Variants in GRAMD1B observed in about 807,000 individuals in gnomAD.
GRAMD1B encodes protein Aster-B.
GRAMD1B carries 37 observed loss-of-function variants against 99.7 expected under a neutral mutation model. That is an observed-to-expected ratio of 0.37 (90% CI 0.29 to 0.49). The LOEUF (loss-of-function observed/expected upper bound fraction) is 0.49. GRAMD1B is among the 20% of genes least tolerant of loss of function. The pLI is 0.98. For missense variants in GRAMD1B, 888 were observed against 1,009.2 expected (o/e 0.88, Z 1.63); for synonymous variants, 427 against 387.6 (o/e 1.10, Z -1.19).
intron 1 of GRAMD1B, among the ~76,000 whole-genome samples, chr11:123,377,425 A>G (rs7926123): frequency 5.8e-4 from 88 of 152,302 alleles, no homozygotes; most frequent in African/African-American, 2.0e-3. Flanking sequence ...GGTGCAGGAA[A>G]AAGGAAAGTT....
chr11:123,374,221 T>C (rs1946621216), intron 1 of GRAMD1B, among the ~76,000 whole-genome samples: 2 of 152,224 alleles, frequency 1.3e-5, no homozygotes, highest in African/African-American at 4.8e-5. Flanking sequence ...CAAATACTTT[T>C]GTGTTGTATC....
chr11:123,506,564 A>C (rs1308688221), intron 2 of GRAMD1B, among the ~76,000 whole-genome samples: 2 of 152,182 alleles, frequency 1.3e-5, no homozygotes, highest in African/African-American at 4.8e-5. Context: ...AGGCAAAATG[A>C]AATGAGCCTA....
intron 2 of GRAMD1B, among the ~76,000 whole-genome samples, chr11:123,566,448 C>T (rs1947374370): frequency 6.6e-6 from 1 of 152,232 alleles, no homozygotes; most frequent in Admixed American, 6.5e-5. Flanking sequence ...AGTGGCTGGA[C>T]GATGGAATGA....
chr11:123,618,331 C>T (rs1223077102), intron 17 of GRAMD1B: 6 of 1,611,904 alleles, frequency 3.7e-6, no homozygotes, highest in Non-Finnish European at 5.1e-6. Flanking sequence ...ATTTTTCTTC[C>T]TTGCTCCCAT....
intron 1 of GRAMD1B, among the ~76,000 whole-genome samples, chr11:123,368,596 T>A (rs1946406836): frequency 6.7e-6 from 1 of 149,038 alleles, no homozygotes; most frequent in African/African-American, 2.5e-5. Flanking sequence ...ACGAGAATCG[T>A]TTGAACCAAG....
At chr11:123,568,709 G>A (rs1231307685) in intron 2 of GRAMD1B, among the ~76,000 whole-genome samples, 1 of 152,196 alleles carries the variant, frequency 6.6e-6, no homozygotes, top group African/African-American at 2.4e-5. Flanking sequence ...GGCACGCCTG[G>A]ACCAGGCTGA....
rs576411731 is a variant in GRAMD1B at position 123,578,536 on chromosome 11, C to G, written c.663+959C>G. ...GCCCTGCCGATTCTGGCCCTTATAT[C>G]CTGCTTGGTCCCTTTCCCAGAAGGG... On this transcript the variant is annotated intron_variant, in intron 3 of 19. Coordinates refer to ENST00000635736, the MANE Select transcript of GRAMD1B (RefSeq NM_001387025.1). 260 of 802,730 alleles carry G rather than the reference C, an allele frequency of 3.2e-4. No homozygotes were observed. The African/African-American group carries it at 3.7e-3, about 11-fold the overall frequency. The allele number at this position is 802,730 out of a possible 1,614,324, so 49.7% of individuals were successfully genotyped here.
chr11:123,505,644 C>A (rs1940346622), intron 2 of GRAMD1B, among the ~76,000 whole-genome samples: 1 of 152,158 alleles, frequency 6.6e-6, no homozygotes, highest in Admixed American at 6.5e-5. Flanking sequence ...GCACACAGGG[C>A]TAAGTAACTT....
At chr11:123,558,231 G>A (rs1040273264) in intron 2 of GRAMD1B, among the ~76,000 whole-genome samples, 3 of 151,858 alleles carry the variant, frequency 2.0e-5, no homozygotes, top group East Asian at 3.9e-4. Flanking sequence ...TGATTCACCC[G>A]CCTCTCCCTC....
At chr11:123,493,707 C>T (rs1449548827) in intron 2 of GRAMD1B, among the ~76,000 whole-genome samples, 1 of 152,204 alleles carries the variant, frequency 6.6e-6, no homozygotes, top group East Asian at 1.9e-4. Context: ...TCAGAAGAGG[C>T]TCACTTTGAT....
intron 1 of GRAMD1B, among the ~76,000 whole-genome samples, chr11:123,409,976 G>T (rs1313990523): frequency 6.6e-6 from 1 of 152,170 alleles, no homozygotes; most frequent in Non-Finnish European, 1.5e-5. Context: ...TGGTGGAGTT[G>T]GACTTATGGA....
chr11:123,602,846 A>T lies in GRAMD1B; in HGVS notation c.1051-580A>T, dbSNP rs1952152785. 1.3e-5 allele frequency among the ~76,000 whole-genome samples: 2 copies of T among 152,232 alleles called. 1 individual carries two copies. Among genetic ancestry groups the T allele is most frequent in the South Asian group, 4.1e-4 (2 of 4,834 alleles). ...CACACGCTTAGGTGAGATGACCTGT[A>T]AGGTTCCTAAAACTGTGGGAACGTA... On this transcript the variant is annotated intron_variant, in intron 8 of 19. Transcript: ENST00000635736.
chr11:123,418,074 T>C (rs1333127673), intron 1 of GRAMD1B, among the ~76,000 whole-genome samples: 1 of 152,192 alleles, frequency 6.6e-6, no homozygotes, highest in African/African-American at 2.4e-5. Flanking sequence ...CTATTTTATA[T>C]ATAAAATGTG....
chr11:123,540,045 G>A (rs1314309122), intron 2 of GRAMD1B, among the ~76,000 whole-genome samples: 1 of 151,624 alleles, frequency 6.6e-6, no homozygotes, highest in Admixed American at 6.6e-5. Context: ...TTCTCTAAGA[G>A]TAAAGAGTTA....
intron 2 of GRAMD1B, among the ~76,000 whole-genome samples, chr11:123,526,879 C>T (rs995425878): frequency 6.6e-6 from 1 of 152,202 alleles, no homozygotes; most frequent in African/African-American, 2.4e-5. Context: ...AAAAATAAAA[C>T]CTTTACCTCT....
intron 2 of GRAMD1B, among the ~76,000 whole-genome samples, chr11:123,561,594 A>G (rs1044976819): frequency 2.6e-5 from 4 of 152,098 alleles, no homozygotes; most frequent in Admixed American, 1.3e-4. Flanking sequence ...CTGGGGGAGG[A>G]CTTGGAGCTT....
chr11:123,577,404 T>TC lies in GRAMD1B; in HGVS notation c.491dup (p.Pro165AlafsTer64). On this transcript the variant is annotated frameshift_variant, in exon 3 of 20. Transcript: ENST00000635736. LOFTEE classifies it high-confidence loss of function. ...CTCCAACCGCAGCACGCCGGCCTGC[T>TC]CGCCCATCCTCCGGAAGCGGTCTCG... 1 of 1,596,384 alleles carries TC rather than the reference T, an allele frequency of 6.3e-7. No individual in the cohort carries two copies. Among genetic ancestry groups the TC allele is most frequent in the Non-Finnish European group, 8.5e-7 (1 of 1,172,046 alleles).
chr11:123,417,763 C>G (rs904483463), intron 1 of GRAMD1B, among the ~76,000 whole-genome samples: 1 of 152,062 alleles, frequency 6.6e-6, no homozygotes, highest in African/African-American at 2.4e-5. Flanking sequence ...ATGGAGAAAC[C>G]CTGTCTGCAC....
intron 1 of GRAMD1B, among the ~76,000 whole-genome samples, chr11:123,424,098 A>G (rs1948558724): frequency 6.6e-6 from 1 of 152,056 alleles, no homozygotes; most frequent in African/African-American, 2.4e-5. Flanking sequence ...TTTGCCATTC[A>G]TATGGTCAAT....
Sources: allele counts gnomAD v4.1 joint callset (sites outside exome capture counted in the v4.1 genomes callset), GRCh38; gene constraint gnomAD v4.1.1; transcripts MANE v1.5; gene names NCBI Gene and HGNC (gene_info 2026-07-23, HGNC 2026-07-21).